MPHOSPH9: variants seen among roughly 807,000 people sequenced by gnomAD.
MPHOSPH9 encodes M-phase phosphoprotein 9.
Under a neutral mutation model 145.5 loss-of-function variants are expected in MPHOSPH9, and 88 were observed. The ratio of observed to expected loss-of-function variants is 0.60; its 90% CI spans 0.51 to 0.72. MPHOSPH9 has a LOEUF of 0.72. MPHOSPH9 is among the 30% of genes least tolerant of loss of function. The pLI is 0.00. For missense variants in MPHOSPH9, 1,238 were observed against 1,386.6 expected, an observed-to-expected ratio of 0.89 and a Z score of 1.70; for synonymous variants, 435 against 486.2, an observed-to-expected ratio of 0.89 and a Z score of 1.39.
chr12:123,230,514 C>T lies in MPHOSPH9; in HGVS notation c.-150G>A. The T allele has an allele frequency of 2.1e-6, 1 of 473,142 alleles. No individual in the cohort carries two copies. Among genetic ancestry groups the T allele is most frequent in the Non-Finnish European group, 3.7e-6 (1 of 267,368 alleles). The allele number at this position is 473,142 out of a possible 1,614,324, so 29.3% of individuals were successfully genotyped here. ...AGAACTGTGAAATATCCTAAACTTC[C>T]AAGAGAGTCTGAAAATGAATGGGGG... On this transcript the variant is annotated 5_prime_UTR_variant, in exon 2 of 24. An upstream open reading frame in the 5' UTR gains an earlier in-frame stop. Transcript: ENST00000606320.
rs1176279112 is a variant in MPHOSPH9, at chr12:123,160,854, T to C, written c.3382-5A>G. ...CCTGCTTAGTGCTGCCTCAATCTGT[T>C]AACACACGAAAAAAATATGTTTAAA... On this transcript the variant is annotated splice_region_variant and splice_polypyrimidine_tract_variant and intron_variant, in intron 22 of 23. Transcript: ENST00000606320. 2 of 1,613,100 alleles carry C rather than the reference T, an allele frequency of 1.2e-6. No homozygotes were observed. The highest frequency in any genetic ancestry group is 2.7e-5 in the African/African-American group (2 of 74,904).
intron 22 of MPHOSPH9, 125 bp downstream of exon 22, chr12:123,161,011 G>T: frequency 2.2e-6 from 3 of 1,356,886 alleles, no homozygotes; most frequent in Non-Finnish European, 3.0e-6. Context: ...TCCGTTGCTA[G>T]CACAGCTCTG....
chr12:123,224,224 T>A (rs975394347), intron 3 of MPHOSPH9, among the ~76,000 whole-genome samples: 7 of 146,992 alleles, frequency 4.8e-5, no homozygotes, highest in Non-Finnish European at 3.0e-5. Flanking sequence ...AAGCTCTGCC[T>A]CCTGGGTTCA....
intron 1 of MPHOSPH9, among the ~76,000 whole-genome samples, chr12:123,243,357 C>T (rs574584502): frequency 2.0e-5 from 3 of 152,128 alleles, no homozygotes; most frequent in Admixed American, 6.6e-5. Context: ...GGCAAAACCC[C>T]GTCTCTACTA....
intron 3 of MPHOSPH9, among the ~76,000 whole-genome samples, chr12:123,224,023 C>T (rs150833597): frequency 9.2e-5 from 14 of 151,720 alleles, no homozygotes; most frequent in African/African-American, 2.9e-4. Context: ...CAACCTCCGC[C>T]TCCCGTGTTC....
At chr12:123,199,918 G>A (rs188743675) in intron 11 of MPHOSPH9, among the ~76,000 whole-genome samples, 2 of 152,214 alleles carry the variant, frequency 1.3e-5, no homozygotes, top group Non-Finnish European at 2.9e-5. Flanking sequence ...GGGAACATAA[G>A]CTGGGCACTC....
At position 123,221,883 on chromosome 12, in the gene MPHOSPH9, C is replaced by G; in HGVS notation, c.361G>C (p.Glu121Gln). 2.6e-6 allele frequency: 4 copies of G among 1,558,310 alleles called. No homozygotes were observed. The South Asian group carries it at 4.7e-5, about 18-fold the overall frequency. Residue 121 changes from glutamate to glutamine, a missense_variant, in exon 5 of 24, where the codon GAG (glutamate) becomes CAG (glutamine). Physicochemically the swap from Glu to Gln is conservative, Grantham distance 29. This residue lies in a region of MPHOSPH9 where 837 missense variants were observed against 897.5 expected (regional missense o/e 0.93). Transcript: ENST00000606320. The part of the protein sequence containing the change: ...FHNQIQHIQE[E>Q]IKNLVKLQTS... The stretch of plus-strand genomic sequence containing the variant: ...TGTAATTTGACTAAATTTTTTATCT[C>G]CTCCTGTATATGCTGGAAATAAAAA...
At chr12:123,217,914 G>A (rs1230202677) in intron 6 of MPHOSPH9, among the ~76,000 whole-genome samples, 2 of 151,926 alleles carry the variant, frequency 1.3e-5, no homozygotes, top group Admixed American at 6.6e-5. Flanking sequence ...GCGTGGTGGC[G>A]GGTGCCTGTA....
intron 16 of MPHOSPH9, among the ~76,000 whole-genome samples, chr12:123,174,292 G>T (rs2044726014): frequency 6.6e-6 from 1 of 151,698 alleles, no homozygotes. Context: ...CAGAGTTCTT[G>T]CCCCAGGCCT....
At position 123,198,318 on chromosome 12, in the gene MPHOSPH9, T is replaced by C. The variant is rs753380222; in HGVS notation, c.1954A>G (p.Ser652Gly). The C allele has an allele frequency of 2.5e-6, 4 of 1,611,758 alleles. No individual in the cohort carries two copies. The highest frequency in any genetic ancestry group is 3.4e-6 in the Non-Finnish European group (4 of 1,178,812). Residue 652 changes from serine to glycine, a missense_variant, in exon 12 of 24, where the codon AGT becomes GGT. Ser to Gly is a moderately conservative substitution (Grantham distance 56). Around this residue, in one of 3 missense-constraint regions of MPHOSPH9, gnomAD observed 837 missense variants for 897.5 expected, o/e 0.93. Coordinates refer to ENST00000606320, the MANE Select transcript of MPHOSPH9 (RefSeq NM_022782.4). ...CGACTAGTAGCTTCATGCAAAGCAC[T>C]ATCTAATTGGCCACATCTAAAAACC... is the stretch of plus-strand genomic sequence containing the variant. The part of the protein sequence containing the change: ...ILVDRCGQLD[S>G]ALHEATSRVR...
chr12:123,164,837 C>T (rs921429679), intron 18 of MPHOSPH9, among the ~76,000 whole-genome samples: 11 of 152,024 alleles, frequency 7.2e-5, no homozygotes, highest in East Asian at 1.9e-4. Flanking sequence ...GGTGAAACTC[C>T]GTCTCTGTTA....
At chr12:123,233,428 A>G (rs1025491766), upstream of MPHOSPH9, 1 of 152,268 alleles carries the variant, frequency 6.6e-6, no homozygotes, top group Non-Finnish European at 1.5e-5. Flanking sequence ...CCGCGATCGG[A>G]GTACGGCGCG....
At chr12:123,174,822 A>G (rs1237967584) in intron 16 of MPHOSPH9, among the ~76,000 whole-genome samples, 1 of 152,238 alleles carries the variant, frequency 6.6e-6, no homozygotes, top group African/African-American at 2.4e-5. Context: ...TAAGTTCAAC[A>G]CATGAACTAG....
intron 18 of MPHOSPH9, 46 bp downstream of exon 18, chr12:123,165,256 G>T: frequency 6.8e-7 from 1 of 1,480,894 alleles, no homozygotes; most frequent in South Asian, 1.3e-5. Flanking sequence ...ATATAAATGG[G>T]GAAAAGATAT....
chr12:123,242,462 A>G (rs1003347756), intron 1 of MPHOSPH9, among the ~76,000 whole-genome samples: 4 of 152,184 alleles, frequency 2.6e-5, no homozygotes, highest in African/African-American at 4.8e-5. Flanking sequence ...TATCACAAAC[A>G]CTGAAATCCA....
Position 123,210,173 on chromosome 12 carries a change from C to A in MPHOSPH9, c.1088-11G>T. The A allele has an allele frequency of 6.6e-7, 1 of 1,516,082 alleles. No individual in the cohort carries two copies. Among genetic ancestry groups the A allele is most frequent in the Admixed American group, 1.9e-5 (1 of 52,244 alleles). 93.9% of individuals were successfully genotyped at this position (1,516,082 alleles called of 1,614,324 possible). A position where few individuals can be genotyped will look rare whatever the true frequency, so the allele number is the denominator to read the frequency against. ...TCCAGTAAGTCAATCCTGATGTGCA[C>A]AAACACACAGAATAGAAAAGAGTGA... On this transcript the variant is annotated splice_polypyrimidine_tract_variant and intron_variant, in intron 7 of 23. Transcript: ENST00000606320.
At chr12:123,166,890 T>A in intron 16 of MPHOSPH9, 101 bp from the exon 17 acceptor site, 1 of 1,193,542 alleles carries the variant, frequency 8.4e-7, no homozygotes, top group East Asian at 2.6e-5. Flanking sequence ...TTTACACATT[T>A]GTACACTAAT....
chr12:123,218,266 A>G (rs551097155), intron 6 of MPHOSPH9, 110 bp downstream of exon 6: 1 of 1,450,944 alleles, frequency 6.9e-7, no homozygotes, highest in South Asian at 1.3e-5. Flanking sequence ...GTATAAATGA[A>G]CAAATTAACA....
intron 12 of MPHOSPH9, among the ~76,000 whole-genome samples, chr12:123,196,452 T>C (rs1174848099): frequency 1.3e-5 from 2 of 152,194 alleles, no homozygotes; most frequent in Non-Finnish European, 2.9e-5. Context: ...TCATGCATTT[T>C]ATCGTCTAAT....
Sources: allele counts gnomAD v4.1 joint callset (sites outside exome capture counted in the v4.1 genomes callset), GRCh38; gene constraint gnomAD v4.1.1; regional missense constraint gnomAD v4.1.1; transcripts MANE v1.5; gene names NCBI Gene and HGNC (gene_info 2026-07-23, HGNC 2026-07-21).